IL23R: variants seen among roughly 807,000 people sequenced by gnomAD.
The protein encoded by IL23R is interleukin-23 receptor.
IL23R carries 34 observed loss-of-function variants against 56.9 expected under a neutral mutation model. That is an observed-to-expected ratio of 0.60 (90% CI 0.45 to 0.80). The LOEUF is 0.80. Ranked by LOEUF, IL23R falls within the 30% of genes least tolerant of loss-of-function variation. IL23R has a pLI of 0.00. For synonymous variants in IL23R, 230 were observed against 249.2 expected, an observed-to-expected ratio of 0.92 and a Z score of 0.73; for missense variants, 635 against 730.0, an observed-to-expected ratio of 0.87 and a Z score of 1.50.
At chr1:67,204,253 T>C (rs548991431) in intron 5 of IL23R, among the ~76,000 whole-genome samples, 12 of 152,214 alleles carry the variant, frequency 7.9e-5, no homozygotes, top group South Asian at 4.1e-4. Context: ...TTAGTAGAGA[T>C]GGGGTTTCAC....
the IL23R span, among the ~76,000 whole-genome samples, chr1:67,265,504 T>C: frequency 6.6e-6 from 1 of 152,210 alleles, no homozygotes; most frequent in African/African-American, 2.4e-5. Context: ...ATATGTAGCT[T>C]TACCTTATTC....
chr1:67,253,211 C>T (rs1652745576), intron 9 of IL23R, among the ~76,000 whole-genome samples: 1 of 152,116 alleles, frequency 6.6e-6, no homozygotes, highest in African/African-American at 2.4e-5. Flanking sequence ...AGCATTCAGC[C>T]CCAAAGTCCC....
At chr1:67,202,286 C>T (rs1298936285) in intron 5 of IL23R, among the ~76,000 whole-genome samples, 1 of 152,258 alleles carries the variant, frequency 6.6e-6, no homozygotes, top group African/African-American at 2.4e-5. Flanking sequence ...ACTGCATCCT[C>T]TGCCTCCTGG....
Position 67,258,576 on chromosome 1 carries a change from G to A in IL23R, c.1338G>A (p.Lys446=). ...EIKEIFIPEH[K]PTDYKKENTG... Reference sequence around the variant, plus strand: ...AAGAAATCTTCATCCCAGAACACAAGCCTACAGACTACAAGAAGGAGAATA... The same window carrying A: ...AAGAAATCTTCATCCCAGAACACAAACCTACAGACTACAAGAAGGAGAATA... Residue 446 remains lysine (K), a synonymous_variant, in exon 11 of 11, where the codon AAG becomes AAA. Coordinates refer to ENST00000347310, the MANE Select transcript of IL23R (RefSeq NM_144701.3). The A allele has an allele frequency of 1.2e-6, 2 of 1,613,160 alleles. No homozygotes were observed. Among genetic ancestry groups the A allele is most frequent in the Non-Finnish European group, 8.5e-7 (1 of 1,179,676 alleles).
chr1:67,152,404 A>G (rs1278165041), intron 1 of IL23R, among the ~76,000 whole-genome samples: 1 of 152,176 alleles, frequency 6.6e-6, no homozygotes, highest in Non-Finnish European at 1.5e-5. Context: ...ATCTGCAAAC[A>G]GACAATTTGA....
At chr1:67,189,772 T>A (rs992406434) in intron 4 of IL23R, among the ~76,000 whole-genome samples, 2 of 151,622 alleles carry the variant, frequency 1.3e-5, no homozygotes, top group African/African-American at 4.8e-5. Context: ...TGGCGAAAAA[T>A]ACAAAAAATA....
At chr1:67,151,995 G>A (rs79223000) in intron 1 of IL23R, among the ~76,000 whole-genome samples, 7 of 152,266 alleles carry the variant, frequency 4.6e-5, no homozygotes, top group Admixed American at 2.0e-4. Flanking sequence ...CTAATTCTGC[G>A]AAGAATGTAA....
chr1:67,250,078 C>T (rs1652510051), intron 9 of IL23R, among the ~76,000 whole-genome samples: 1 of 152,150 alleles, frequency 6.6e-6, no homozygotes, highest in African/African-American at 2.4e-5. Context: ...AATATTTTAA[C>T]CCTCTAACCT....
At chr1:67,217,082 A>G (rs113590329) in intron 6 of IL23R, among the ~76,000 whole-genome samples, 7 of 152,246 alleles carry the variant, frequency 4.6e-5, no homozygotes, top group Middle Eastern at 3.4e-3. Context: ...AACTCTAACT[A>G]GGTTGGAGAT....
intron 8 of IL23R, among the ~76,000 whole-genome samples, chr1:67,239,784 TA>T (rs544137378): frequency 6.6e-6 from 1 of 152,060 alleles, no homozygotes; most frequent in Admixed American, 6.6e-5. Flanking sequence ...CACAAAAAGT[TA>T]AAAAAAATCA....
At chr1:67,228,580 G>T (rs1650898288) in intron 7 of IL23R, among the ~76,000 whole-genome samples, 1 of 151,926 alleles carries the variant, frequency 6.6e-6, no homozygotes. Flanking sequence ...AAACTTGAAA[G>T]CTTAAAACAA....
At chr1:67,220,854 T>C (rs1470995003) in intron 7 of IL23R, among the ~76,000 whole-genome samples, 1 of 152,186 alleles carries the variant, frequency 6.6e-6, no homozygotes, top group Non-Finnish European at 1.5e-5. Flanking sequence ...TCCTCCTGCC[T>C]CAGCCTCCCA....
At chr1:67,165,114 T>C (rs1483936171), upstream of IL23R, among the ~76,000 whole-genome samples, 3 of 151,652 alleles carry the variant, frequency 2.0e-5, no homozygotes, top group African/African-American at 7.3e-5. Context: ...GAAGCTGAAA[T>C]GGGAGGATCA....
intron 1 of IL23R, among the ~76,000 whole-genome samples, chr1:67,149,057 G>A (rs999242543): frequency 1.3e-5 from 2 of 152,146 alleles, no homozygotes; most frequent in Non-Finnish European, 2.9e-5. Flanking sequence ...ACATTGTAGT[G>A]ATAATAACCT....
chr1:67,199,705 G>A (rs894864353), intron 4 of IL23R, among the ~76,000 whole-genome samples: 4 of 151,326 alleles, frequency 2.6e-5, no homozygotes, highest in African/African-American at 7.3e-5. Flanking sequence ...TAATATATAC[G>A]CTCATTGTTT....
intron 9 of IL23R, among the ~76,000 whole-genome samples, chr1:67,255,476 G>A (rs956845384): frequency 6.6e-6 from 1 of 151,954 alleles, no homozygotes; most frequent in Non-Finnish European, 1.5e-5. Flanking sequence ...GTCTCACTCT[G>A]TTGCCCAGAG....
chr1:67,193,636 G>C (rs1484374619), intron 4 of IL23R, among the ~76,000 whole-genome samples: 2 of 152,028 alleles, frequency 1.3e-5, no homozygotes, highest in African/African-American at 4.8e-5. Flanking sequence ...AAAAGAAATA[G>C]AAATAAGATA....
rs1646777821 is a variant in IL23R, at chr1:67,157,297, C to A, written c.-633-10795C>A. On this transcript the variant is annotated intron_variant, in intron 1 of 10. Transcript: ENST00000637002. ...TTAACATGTTCCAAAACAAATTATTCATTTCCTTCCCCATTCCTCTACAAA... is the reference window on the plus strand; with the variant it reads ...TTAACATGTTCCAAAACAAATTATTAATTTCCTTCCCCATTCCTCTACAAA... Among the ~76,000 whole-genome samples, 3 of 152,208 alleles carry A rather than the reference C, an allele frequency of 2.0e-5. No individual in the cohort carries two copies. In the South Asian group the frequency reaches 6.2e-4, roughly 32 times the overall value.
At chr1:67,229,349 A>C (rs1378877500) in intron 7 of IL23R, among the ~76,000 whole-genome samples, 1 of 152,204 alleles carries the variant, frequency 6.6e-6, no homozygotes, top group Non-Finnish European at 1.5e-5. Flanking sequence ...GAAGAGATGC[A>C]GTGGGCAAGG....
Sources: allele counts gnomAD v4.1 joint callset (sites outside exome capture counted in the v4.1 genomes callset), GRCh38; gene constraint gnomAD v4.1.1; transcripts MANE v1.5; gene names NCBI Gene and HGNC (gene_info 2026-07-23, HGNC 2026-07-21).